Variants in DOCK9 observed in about 807,000 individuals in gnomAD.
DOCK9 encodes dedicator of cytokinesis protein 9.
A neutral mutation model predicts 263.3 loss-of-function variants in DOCK9; 89 were observed. The observed-to-expected ratio is 0.34, with a 90% confidence interval of 0.28 to 0.40. The LOEUF (loss-of-function observed/expected upper bound fraction) is 0.40, where lower values mean the gene tolerates loss of function less well. DOCK9 is among the 10% of genes least tolerant of loss of function. The pLI, the probability that DOCK9 is intolerant of heterozygous loss-of-function variation, is 1.00. For synonymous variants in DOCK9, 976 were observed against 973.1 expected, an observed-to-expected ratio of 1.00 and a Z score of -0.06; for missense variants, 2,140 against 2,603.4, an observed-to-expected ratio of 0.82 and a Z score of 3.87.
intron 9 of DOCK9, among the ~76,000 whole-genome samples, chr13:98,913,446 C>G (rs1293410936): frequency 6.6e-6 from 1 of 151,984 alleles, no homozygotes; most frequent in African/African-American, 2.4e-5. Flanking sequence ...AATAATAGAA[C>G]AGCTAAAATA....
chr13:99,071,041 C>T lies in DOCK9; in HGVS notation c.129+15182G>A, dbSNP rs370634895. On this transcript the variant is annotated intron_variant, in intron 1 of 32. Coordinates refer to the DOCK9 transcript ENST00000427887. ...ACCAACCCCCTGCACAGTCAAAAAT[C>T]CACCTATAACTTTTGACTCCCCAGA... 1.6e-3 allele frequency among the ~76,000 whole-genome samples: 248 copies of T among 152,278 alleles called. 9 individuals carry two copies. The South Asian group carries it at 0.048, about 29-fold the overall frequency.
intron 1 of DOCK9, among the ~76,000 whole-genome samples, chr13:99,067,097 T>G (rs932072412): frequency 6.6e-6 from 1 of 152,068 alleles, no homozygotes; most frequent in African/African-American, 2.4e-5. Context: ...AGGAGCAAAA[T>G]AGCCAAGCGG....
At chr13:98,979,533 A>G (rs1373781952), upstream of DOCK9, among the ~76,000 whole-genome samples, 2 of 152,086 alleles carry the variant, frequency 1.3e-5, no homozygotes, top group African/African-American at 2.4e-5. Context: ...CCACTTGAAC[A>G]CCAGGAACCC....
intron 1 of DOCK9, among the ~76,000 whole-genome samples, chr13:99,066,530 A>G (rs1272642060): frequency 1.3e-5 from 2 of 152,190 alleles, no homozygotes; most frequent in Non-Finnish European, 2.9e-5. Context: ...TATAAATTTA[A>G]TATGTTAATA....
intron 1 of DOCK9, among the ~76,000 whole-genome samples, chr13:99,037,961 C>G (rs1888063337): frequency 6.6e-6 from 1 of 152,270 alleles, no homozygotes; most frequent in African/African-American, 2.4e-5. Context: ...AAGGACGGAT[C>G]ATAAAAGGCA....
At chr13:99,006,844 C>T (rs1883423899) in intron 1 of DOCK9, among the ~76,000 whole-genome samples, 1 of 152,142 alleles carries the variant, frequency 6.6e-6, no homozygotes, top group Non-Finnish European at 1.5e-5. Flanking sequence ...GTAATCCCAG[C>T]ACTTTGGGAG....
intron 1 of DOCK9, among the ~76,000 whole-genome samples, chr13:99,052,284 T>C (rs2040733379): frequency 1.3e-5 from 2 of 152,070 alleles, no homozygotes; most frequent in Admixed American, 1.3e-4. Context: ...CCCTCACCCC[T>C]GGCCCACTAC....
At chr13:98,983,016 T>C (rs113927010), upstream of DOCK9, among the ~76,000 whole-genome samples, 357 of 152,322 alleles carry the variant, frequency 2.3e-3, no homozygotes, top group African/African-American at 7.9e-3. Flanking sequence ...ATCTGAGGAA[T>C]AACAATACGA....
intron 9 of DOCK9, among the ~76,000 whole-genome samples, chr13:98,913,336 A>C (rs2050365270): frequency 6.6e-6 from 1 of 152,204 alleles, no homozygotes; most frequent in Non-Finnish European, 1.5e-5. Context: ...AGAGAAGACA[A>C]AGATATTTCT....
chr13:99,006,541 A>T (rs748192547), intron 1 of DOCK9, among the ~76,000 whole-genome samples: 7 of 152,262 alleles, frequency 4.6e-5, no homozygotes, highest in Non-Finnish European at 1.0e-4. Context: ...CTTTATGGGC[A>T]TAAGAAAATG....
intron 27 of DOCK9, among the ~76,000 whole-genome samples, chr13:98,875,234 A>G (rs1381809349): frequency 6.6e-6 from 1 of 152,214 alleles, no homozygotes; most frequent in Non-Finnish European, 1.5e-5. Flanking sequence ...TGCTTTGCAC[A>G]TTACAAACAA....
intron 2 of DOCK9, among the ~76,000 whole-genome samples, chr13:98,932,158 T>C (rs956629558): frequency 2.0e-5 from 3 of 151,878 alleles, no homozygotes; most frequent in Non-Finnish European, 4.4e-5. Flanking sequence ...TTTGGGAGGC[T>C]GAGGTGGGTG....
At chr13:99,047,494 T>C (rs1328153206) in intron 1 of DOCK9, among the ~76,000 whole-genome samples, 2 of 151,964 alleles carry the variant, frequency 1.3e-5, no homozygotes, top group African/African-American at 2.4e-5. Flanking sequence ...TCAAACTTTT[T>C]CTGAGAATCA....
intron 38 of DOCK9, among the ~76,000 whole-genome samples, chr13:98,844,435 C>T (rs2093328283): frequency 6.6e-6 from 1 of 152,072 alleles, no homozygotes; most frequent in Non-Finnish European, 1.5e-5. Context: ...ACAGTCTTAG[C>T]TCACTGCAAC....
At chr13:99,035,332 C>T (rs1432295019) in intron 1 of DOCK9, among the ~76,000 whole-genome samples, 1 of 152,198 alleles carries the variant, frequency 6.6e-6, no homozygotes, top group Non-Finnish European at 1.5e-5. Flanking sequence ...CAACATCTAT[C>T]CTTCCCTTTT....
At chr13:99,048,357 G>C (rs1050560507) in intron 1 of DOCK9, among the ~76,000 whole-genome samples, 1 of 152,132 alleles carries the variant, frequency 6.6e-6, no homozygotes, top group African/African-American at 2.4e-5. Context: ...CTCTGCTACT[G>C]CTCATCTTCT....
rs1267296530 is a variant in DOCK9, at chr13:98,797,458, G to A, written c.5948C>T (p.Ala1983Val). The part of the protein sequence containing the change: ...VNAGPLAYAR[A>V]FLDDTNTKRY... ...CTTTGTGTTTGTATCATCTAAGAAA[G>A]CTCGCGCATATGCTAGTGGGCCAGC... Residue 1983 changes from alanine to valine, a missense_variant, in exon 51 of 53, where the codon GCT becomes GTT. Coordinates refer to ENST00000682017, the MANE Select transcript of DOCK9 (RefSeq NM_001366683.2). 1 of 1,612,950 alleles carries A rather than the reference G, an allele frequency of 6.2e-7. No homozygotes were observed. Among genetic ancestry groups the A allele is most frequent in the Admixed American group, 1.7e-5 (1 of 59,920 alleles).
chr13:99,015,737 AG>A, intron 1 of DOCK9: 17 of 1,367,612 alleles, frequency 1.2e-5, no homozygotes, highest in Non-Finnish European at 1.6e-5. Context: ...CTGGAACAGA[AG>A]GGAAGCTCTG....
At position 98,897,499 on chromosome 13, in the gene DOCK9, T is replaced by G; in HGVS notation, c.1698A>C (p.Ala566=). ...ACCTTGAAACTCACTTCCGAAAGTC[T>G]GCAAGTAACTTGAGCATGTCATCAT... ...LSNDDMLKLL[A]DFRKPEKMAK... Residue 566 remains alanine (A), a synonymous_variant, in exon 15 of 53, where the codon GCA becomes GCC. Transcript: ENST00000682017. 1 of 1,613,792 alleles carries G rather than the reference T, an allele frequency of 6.2e-7. No individual in the cohort carries two copies. The highest frequency in any genetic ancestry group is 8.5e-7 in the Non-Finnish European group (1 of 1,179,802).
Sources: allele counts gnomAD v4.1 joint callset (sites outside exome capture counted in the v4.1 genomes callset), GRCh38; gene constraint gnomAD v4.1.1; transcripts MANE v1.5; gene names NCBI Gene and HGNC (gene_info 2026-07-23, HGNC 2026-07-21).